The following TRHDE variants were observed in gnomAD, a reference collection of about 807,000 sequenced individuals.
The protein encoded by TRHDE is thyrotropin releasing hormone degrading enzyme, also known as thyrotropin-releasing hormone-degrading ectoenzyme.
In TRHDE, 72 loss-of-function variants were observed where a neutral mutation model predicts 125.7. The observed-to-expected ratio is 0.57, with a 90% CI of 0.47 to 0.70. The LOEUF (loss-of-function observed/expected upper bound fraction) is 0.70. Among genes scored for constraint, TRHDE ranks in the 30% least tolerant of loss-of-function variants. The probability of loss-of-function intolerance (pLI) is 0.00; values close to 1 mark genes in which losing one functional copy is unlikely to be tolerated. For synonymous variants in TRHDE, 509 were observed against 509.1 expected (o/e 1.00, Z 0.00); for missense variants, 1,110 against 1,327.1 (o/e 0.84, Z 2.54).
intron 2 of TRHDE, among the ~76,000 whole-genome samples, chr12:72,225,630 C>A (rs1031606638): frequency 6.6e-6 from 1 of 152,142 alleles, no homozygotes; most frequent in African/African-American, 2.4e-5. Context: ...TAATGTAATA[C>A]GTGAAAGGTC....
At chr12:72,088,758 T>C (rs1268080687) in intron 1 of TRHDE, among the ~76,000 whole-genome samples, 1 of 152,144 alleles carries the variant, frequency 6.6e-6, no homozygotes, top group African/African-American at 2.4e-5. Context: ...TGAAGCATTG[T>C]AGGGCTCAGA....
chr12:72,367,416 G>A (rs942258588), intron 2 of TRHDE, among the ~76,000 whole-genome samples: 1 of 152,044 alleles, frequency 6.6e-6, no homozygotes. Context: ...CCACTCCCGG[G>A]CCAGTGCCTT....
At chr12:72,478,933 A>C (rs1460029868) in intron 5 of TRHDE, among the ~76,000 whole-genome samples, 12 of 151,192 alleles carry the variant, frequency 7.9e-5, no homozygotes, top group Admixed American at 5.9e-4. Flanking sequence ...AAAAAAAAAA[A>C]AAAAAAAACA....
chr12:72,141,557 T>G (rs1043256227), intron 2 of TRHDE, among the ~76,000 whole-genome samples: 4 of 152,268 alleles, frequency 2.6e-5, no homozygotes, highest in African/African-American at 9.6e-5. Flanking sequence ...CTTGGCTTTT[T>G]ATTATAGCAG....
intron 6 of TRHDE, among the ~76,000 whole-genome samples, chr12:72,525,093 C>T (rs1190371712): frequency 3.3e-5 from 5 of 152,062 alleles, no homozygotes; most frequent in Non-Finnish European, 5.9e-5. Context: ...TATACTAAGA[C>T]ATATTTGAAT....
chr12:72,617,317 G>A (rs915725308), intron 12 of TRHDE, among the ~76,000 whole-genome samples: 1 of 152,004 alleles, frequency 6.6e-6, no homozygotes, highest in African/African-American at 2.4e-5. Flanking sequence ...TTAATTAAAA[G>A]AAAACTGCAG....
At chr12:72,419,327 A>C (rs1873855887) in intron 3 of TRHDE, among the ~76,000 whole-genome samples, 2 of 152,196 alleles carry the variant, frequency 1.3e-5, no homozygotes, top group Non-Finnish European at 2.9e-5. Flanking sequence ...CAATTGTCTT[A>C]GTCCATTTTG....
At chr12:72,301,632 GTGTATTCTCCT>G (rs1868261423) in intron 2 of TRHDE, among the ~76,000 whole-genome samples, 1 of 152,150 alleles carries the variant, frequency 6.6e-6, no homozygotes, top group Admixed American at 6.5e-5. Context: ...AACTAGATTT[GTGTATTCTCCT>G]ATACAGAATG....
At chr12:72,468,272 G>A (rs1215796105) in intron 3 of TRHDE, among the ~76,000 whole-genome samples, 1 of 152,098 alleles carries the variant, frequency 6.6e-6, no homozygotes, top group African/African-American at 2.4e-5. Flanking sequence ...TTATTTCCTC[G>A]ACATTGTCTT....
intron 5 of TRHDE, among the ~76,000 whole-genome samples, chr12:72,497,965 A>T (rs1877989465): frequency 7.2e-6 from 1 of 139,408 alleles, no homozygotes; most frequent in African/African-American, 3.0e-5. Flanking sequence ...TTGTCATTTA[A>T]TTCAGTCTAA....
At chr12:72,547,879 A>G (rs899459476) in intron 7 of TRHDE, among the ~76,000 whole-genome samples, 4 of 151,858 alleles carry the variant, frequency 2.6e-5, no homozygotes, top group African/African-American at 9.7e-5. Flanking sequence ...ACAGAAGCTC[A>G]AGTTACACTT....
At chr12:72,411,612 G>C (rs74103312) in intron 3 of TRHDE, among the ~76,000 whole-genome samples, 1 of 151,984 alleles carries the variant, frequency 6.6e-6, no homozygotes, top group African/African-American at 2.4e-5. Context: ...TGGAATCTTA[G>C]CAGGCTCTTT....
At chr12:72,429,447 G>A (rs2135838851) in intron 3 of TRHDE, among the ~76,000 whole-genome samples, 1 of 151,732 alleles carries the variant, frequency 6.6e-6, no homozygotes, top group Middle Eastern at 3.4e-3. Context: ...ACATTTACAT[G>A]TTTCTACTTT....
intron 12 of TRHDE, among the ~76,000 whole-genome samples, chr12:72,610,012 A>C (rs1872575871): frequency 6.6e-6 from 1 of 152,094 alleles, no homozygotes; most frequent in East Asian, 1.9e-4. Flanking sequence ...AACTCTGTGG[A>C]TTATTTATTT....
chr12:72,459,032 C>T (rs555412219), intron 3 of TRHDE, among the ~76,000 whole-genome samples: 1 of 152,322 alleles, frequency 6.6e-6, no homozygotes, highest in South Asian at 2.1e-4. Context: ...TCTGACACTA[C>T]TCTCACTGGA....
intron 2 of TRHDE, among the ~76,000 whole-genome samples, chr12:72,192,070 CATT>C (rs1439505807): frequency 6.6e-6 from 1 of 152,084 alleles, no homozygotes; most frequent in African/African-American, 2.4e-5. Flanking sequence ...CTTTCCTCAT[CATT>C]ATTATCAAAT....
intron 1 of TRHDE, among the ~76,000 whole-genome samples, chr12:72,100,776 G>A (rs528057319): frequency 6.6e-6 from 1 of 152,202 alleles, no homozygotes; most frequent in Non-Finnish European, 1.5e-5. Context: ...AAAGTGAAAG[G>A]CTTGTTTCCA....
intron 2 of TRHDE, among the ~76,000 whole-genome samples, chr12:72,260,479 G>A (rs1878924415): frequency 6.6e-6 from 1 of 152,078 alleles, no homozygotes; most frequent in South Asian, 2.1e-4. Context: ...TGGCTCACTG[G>A]GAGCAACTGG....
intron 5 of TRHDE, among the ~76,000 whole-genome samples, chr12:72,476,426 C>T (rs1876895918): frequency 6.6e-6 from 1 of 152,140 alleles, no homozygotes. Flanking sequence ...GAAGGCTCTG[C>T]CAGCACGAAT....
Sources: gnomAD v4.1 joint callset for allele counts (sites outside exome capture counted in the v4.1 genomes callset) on GRCh38, gnomAD v4.1.1 for gene constraint, MANE v1.5 for transcripts, NCBI Gene and HGNC (gene_info 2026-07-23, HGNC 2026-07-21) for gene names.